KSR2: variants seen among roughly 807,000 people sequenced by gnomAD.
KSR2 encodes the protein kinase suppressor of ras 2.
KSR2 carries 25 observed loss-of-function variants against 107.8 expected under a neutral mutation model. That is an observed-to-expected ratio of 0.23 (90% CI 0.17 to 0.32). The LOEUF (loss-of-function observed/expected upper bound fraction) is 0.32. KSR2 is among the 10% of genes least tolerant of loss of function. KSR2 has a pLI of 1.00. For synonymous variants in KSR2, 480 were observed against 507.0 expected, an observed-to-expected ratio of 0.95 and a Z score of 0.71; for missense variants, 887 against 1,268.9, an observed-to-expected ratio of 0.70 and a Z score of 4.57.
chr12:117,634,229 G>A (rs148327789), intron 5 of KSR2, among the ~76,000 whole-genome samples: 45 of 152,248 alleles, frequency 3.0e-4, no homozygotes, highest in African/African-American at 8.4e-4. Flanking sequence ...AAAAAGAAAG[G>A]TAGCTCTGAT....
At chr12:117,766,103 T>C (rs1345762274) in intron 3 of KSR2, among the ~76,000 whole-genome samples, 1 of 152,172 alleles carries the variant, frequency 6.6e-6, no homozygotes, top group East Asian at 1.9e-4. Context: ...TGTAGACAAA[T>C]ACTCATAGCA....
At chr12:117,544,478 G>C (rs1042253791) in intron 9 of KSR2, among the ~76,000 whole-genome samples, 2 of 152,044 alleles carry the variant, frequency 1.3e-5, no homozygotes, top group African/African-American at 4.8e-5. Flanking sequence ...AATTAGCCAG[G>C]TGCGGTGGCA....
intron 4 of KSR2, among the ~76,000 whole-genome samples, chr12:117,706,796 C>G (rs1176080035): frequency 6.6e-6 from 1 of 151,964 alleles, no homozygotes; most frequent in African/African-American, 2.4e-5. Flanking sequence ...TACAATTATA[C>G]TTCAAAAAAG....
chr12:117,807,924 T>C (rs528357725), intron 3 of KSR2, among the ~76,000 whole-genome samples: 2 of 152,374 alleles, frequency 1.3e-5, no homozygotes, highest in East Asian at 3.9e-4. Context: ...TCAAGAGTGA[T>C]GTCTCCTTCT....
chr12:117,533,831 A>G (rs1875835291), intron 10 of KSR2, among the ~76,000 whole-genome samples: 1 of 152,270 alleles, frequency 6.6e-6, no homozygotes, highest in Admixed American at 6.5e-5. Context: ...GCAACAGGAC[A>G]CCAGCAAATG....
chr12:117,913,871 G>A (rs1278054717), intron 1 of KSR2, among the ~76,000 whole-genome samples: 1 of 152,056 alleles, frequency 6.6e-6, no homozygotes, highest in East Asian at 1.9e-4. Context: ...CTCGGGACCC[G>A]CCGGATGACT....
chr12:117,720,147 A>T (rs1237189690), intron 4 of KSR2, among the ~76,000 whole-genome samples: 1 of 152,204 alleles, frequency 6.6e-6, no homozygotes, highest in Non-Finnish European at 1.5e-5. Context: ...ATTTCTATAG[A>T]TGGTTCATCC....
At chr12:117,688,334 G>A (rs1885669142) in intron 4 of KSR2, among the ~76,000 whole-genome samples, 1 of 152,156 alleles carries the variant, frequency 6.6e-6, no homozygotes, top group African/African-American at 2.4e-5. Flanking sequence ...GAGCCATCAC[G>A]CCACTGCACC....
At chr12:117,527,296 CACACAG>C (rs1449028232) in intron 12 of KSR2, among the ~76,000 whole-genome samples, 177 bp from the exon 13 acceptor site, 7 of 71,718 alleles carry the variant, frequency 9.8e-5, no homozygotes, top group African/African-American at 2.6e-4. Context: ...CACACACACA[CACACAG>C]ACACACACAC....
rs114028167 is a variant in KSR2, at chr12:117,505,079, G to T, written c.2220-19388C>A. Among the ~76,000 whole-genome samples, 1,317 of 152,258 alleles carry T rather than the reference G, an allele frequency of 8.6e-3. 16 individuals carry two copies. Among genetic ancestry groups the T allele is most frequent in the African/African-American group, 0.03 (1,253 of 41,546 alleles). On this transcript the variant is annotated intron_variant, in intron 14 of 19. Transcript: ENST00000339824. ...TCATCCAAGTTGCTGCAAAAGACAT[G>T]ATTTAGTTCATTTTTATGGACGAGT...
At chr12:117,947,191 G>GA (rs796859926) in intron 1 of KSR2, among the ~76,000 whole-genome samples, 11,833 of 106,798 alleles carry the variant, frequency 0.11, 825 homozygotes, top group Admixed American at 0.18. Flanking sequence ...AGAAAGAAAA[G>GA]AAAGAAAAGA....
At chr12:117,962,470 A>T in intron 1 of KSR2, among the ~76,000 whole-genome samples, 1 of 145,692 alleles carries the variant, frequency 6.9e-6, no homozygotes. Context: ...TTTGAGATGT[A>T]GTCTCCCTCT....
At chr12:117,470,776 A>G (rs949195151) in intron 18 of KSR2, among the ~76,000 whole-genome samples, 1 of 152,184 alleles carries the variant, frequency 6.6e-6, no homozygotes, top group African/African-American at 2.4e-5. Context: ...ATTAATGTAT[A>G]CCCAGGCTTC....
chr12:117,956,775 T>C (rs1039759084), intron 1 of KSR2, among the ~76,000 whole-genome samples: 3 of 152,114 alleles, frequency 2.0e-5, no homozygotes, highest in African/African-American at 7.2e-5. Context: ...TAAAAAAATT[T>C]TTTTTAATTT....
At chr12:117,480,602 G>C (rs542331597) in intron 16 of KSR2, among the ~76,000 whole-genome samples, 3 of 151,996 alleles carry the variant, frequency 2.0e-5, no homozygotes, top group Admixed American at 2.0e-4. Flanking sequence ...GCTTGGTGGC[G>C]GGGGGGTCTC....
intron 4 of KSR2, among the ~76,000 whole-genome samples, chr12:117,731,601 A>T (rs1350363703): frequency 2.0e-5 from 3 of 152,074 alleles, no homozygotes; most frequent in Non-Finnish European, 4.4e-5. Flanking sequence ...GAAAAGGGGG[A>T]AATGTGGGGA....
chr12:117,960,214 T>A (rs917079597), intron 1 of KSR2, among the ~76,000 whole-genome samples: 6 of 152,184 alleles, frequency 3.9e-5, no homozygotes, highest in African/African-American at 1.4e-4. Context: ...TTGTTGATCA[T>A]CCCATATCTT....
intron 4 of KSR2, among the ~76,000 whole-genome samples, chr12:117,686,887 G>A (rs932702111): frequency 3.3e-5 from 5 of 152,080 alleles, no homozygotes; most frequent in Non-Finnish European, 7.4e-5. Context: ...TGAAATCCAC[G>A]CATCAGAGCC....
At chr12:117,801,002 G>A (rs1566022641) in intron 3 of KSR2, among the ~76,000 whole-genome samples, 1 of 152,178 alleles carries the variant, frequency 6.6e-6, no homozygotes, top group African/African-American at 2.4e-5. Context: ...TATCACTGAT[G>A]GGCATTTGGG....
Sources: gnomAD v4.1 joint callset for allele counts (sites outside exome capture counted in the v4.1 genomes callset) on GRCh38, gnomAD v4.1.1 for gene constraint, MANE v1.5 for transcripts, NCBI Gene and HGNC (gene_info 2026-07-23, HGNC 2026-07-21) for gene names.